Variants in GALNT13 observed in about 807,000 individuals in gnomAD.
The protein encoded by GALNT13 is UDP-GalNAc:polypeptide N-acetylgalactosaminyltransferase 13.
Under a neutral mutation model 64.2 loss-of-function variants are expected in GALNT13, and 28 were observed. The ratio of observed to expected loss-of-function variants is 0.44; its 90% CI spans 0.32 to 0.60. GALNT13 has a LOEUF of 0.60. GALNT13 is among the 20% of genes least tolerant of loss of function. GALNT13 has a pLI of 0.05. For missense variants in GALNT13, 577 were observed against 669.8 expected, an observed-to-expected ratio of 0.86 and a Z score of 1.53; for synonymous variants, 214 against 224.6, an observed-to-expected ratio of 0.95 and a Z score of 0.42.
At chr2:153,074,890 AC>A in the GALNT13 span, among the ~76,000 whole-genome samples, 3 of 152,084 alleles carry the variant, frequency 2.0e-5, no homozygotes, top group Non-Finnish European at 2.9e-5. Context: ...ATGCCACTGT[AC>A]CCAGGTAATT....
the GALNT13 span, among the ~76,000 whole-genome samples, chr2:153,667,599 T>A: frequency 6.6e-6 from 1 of 152,190 alleles, no homozygotes; most frequent in Non-Finnish European, 1.5e-5. Context: ...TACTGCCAGA[T>A]CTTCCTAACA....
intron 4 of GALNT13, among the ~76,000 whole-genome samples, chr2:154,155,978 G>A (rs563014634): frequency 9.9e-5 from 15 of 151,554 alleles, no homozygotes; most frequent in African/African-American, 2.9e-4. Context: ...ATATATATTC[G>A]ACGTATATTT....
the GALNT13 span, among the ~76,000 whole-genome samples, chr2:153,550,329 A>C: frequency 6.6e-6 from 1 of 150,894 alleles, no homozygotes; most frequent in Middle Eastern, 3.4e-3. Context: ...CTGCCTCCCG[A>C]GTTCAAGTGA....
chr2:153,863,702 C>A, the GALNT13 span, among the ~76,000 whole-genome samples: 3 of 152,006 alleles, frequency 2.0e-5, no homozygotes, highest in African/African-American at 7.2e-5. Flanking sequence ...AATAAGCAAT[C>A]GAAACATGCT....
chr2:153,090,392 A>T, the GALNT13 span, among the ~76,000 whole-genome samples: 1 of 152,126 alleles, frequency 6.6e-6, no homozygotes, highest in African/African-American at 2.4e-5. Context: ...TTGGTTTTAG[A>T]TATGTTTAGC....
At chr2:154,107,788 A>G (rs1702704702) in intron 3 of GALNT13, among the ~76,000 whole-genome samples, 1 of 151,884 alleles carries the variant, frequency 6.6e-6, no homozygotes, top group Admixed American at 6.6e-5. Context: ...TTTTTCCTGT[A>G]AAAGCACTCT....
the GALNT13 span, among the ~76,000 whole-genome samples, chr2:153,455,965 T>A: frequency 6.6e-6 from 1 of 152,094 alleles, no homozygotes; most frequent in Non-Finnish European, 1.5e-5. Context: ...ATCAGAAAGG[T>A]ACTAGCCCCC....
chr2:153,684,250 G>T, the GALNT13 span, among the ~76,000 whole-genome samples: 1 of 151,480 alleles, frequency 6.6e-6, no homozygotes, highest in Non-Finnish European at 1.5e-5. Flanking sequence ...GAATTTTTAT[G>T]TTTTCTTTAT....
chr2:153,852,888 A>G, the GALNT13 span, among the ~76,000 whole-genome samples: 1 of 152,170 alleles, frequency 6.6e-6, no homozygotes, highest in Non-Finnish European at 1.5e-5. Flanking sequence ...AGATGTATAA[A>G]TGAAAGGGAG....
intron 9 of GALNT13, among the ~76,000 whole-genome samples, chr2:154,349,414 C>G (rs1236725509): frequency 6.6e-6 from 1 of 152,160 alleles, no homozygotes; most frequent in East Asian, 1.9e-4. Flanking sequence ...AGGTTTTGCT[C>G]CTCCCTGACC....
the GALNT13 span, among the ~76,000 whole-genome samples, chr2:153,842,402 G>A: frequency 6.6e-6 from 1 of 152,088 alleles, no homozygotes; most frequent in Non-Finnish European, 1.5e-5. Context: ...GTATCAAAGA[G>A]CAGAGGTCCT....
intron 12 of GALNT13, among the ~76,000 whole-genome samples, chr2:154,443,104 C>A (rs1346165598): frequency 6.6e-6 from 1 of 152,028 alleles, no homozygotes; most frequent in African/African-American, 2.4e-5. Context: ...CCCAGCCATT[C>A]CCCTGTGTAG....
rs576316657 is a variant in GALNT13 at position 153,971,175 on chromosome 2, C to T, written c.142+26536C>T. Among the ~76,000 whole-genome samples the T allele has an allele frequency of 9.2e-5, 14 of 152,202 alleles. No homozygotes were observed. The East Asian group carries it at 2.5e-3, about 27-fold the overall frequency. Reference sequence around the variant, plus strand: ...CCAGTTTACTTCATGTCTTAATTTTCTACCTCACCTTATTCAGGCATTATC... The same window carrying T: ...CCAGTTTACTTCATGTCTTAATTTTTTACCTCACCTTATTCAGGCATTATC... On this transcript the variant is annotated intron_variant, in intron 3 of 12. Coordinates refer to ENST00000392825, the MANE Select transcript of GALNT13 (RefSeq NM_052917.4).
chr2:153,197,270 T>A, the GALNT13 span, among the ~76,000 whole-genome samples: 2 of 152,116 alleles, frequency 1.3e-5, no homozygotes, highest in African/African-American at 2.4e-5. Flanking sequence ...AATGATAGGG[T>A]GGGGTGATCC....
chr2:153,728,979 A>G, the GALNT13 span, among the ~76,000 whole-genome samples: 1 of 152,194 alleles, frequency 6.6e-6, no homozygotes, highest in South Asian at 2.1e-4. Context: ...CAAGTTATGA[A>G]ATTGAGGCAG....
At chr2:154,362,819 T>C (rs965027229) in intron 9 of GALNT13, among the ~76,000 whole-genome samples, 2 of 152,172 alleles carry the variant, frequency 1.3e-5, no homozygotes, top group Non-Finnish European at 2.9e-5. Context: ...TCTCCCCACA[T>C]TCATTTTCAT....
At chr2:153,890,655 A>C (rs1687487525) in intron 1 of GALNT13, among the ~76,000 whole-genome samples, 1 of 152,080 alleles carries the variant, frequency 6.6e-6, no homozygotes, top group African/African-American at 2.4e-5. Flanking sequence ...ATGGCACAAC[A>C]ACAACAGCAA....
At chr2:153,854,175 T>C in the GALNT13 span, among the ~76,000 whole-genome samples, 4 of 152,006 alleles carry the variant, frequency 2.6e-5, no homozygotes, top group East Asian at 7.7e-4. Flanking sequence ...CTATTAGAGA[T>C]ACGTTGCTAG....
At chr2:153,253,709 T>G in the GALNT13 span, among the ~76,000 whole-genome samples, 1 of 151,044 alleles carries the variant, frequency 6.6e-6, no homozygotes, top group African/African-American at 2.4e-5. Context: ...AGGCCTTTTC[T>G]GCATCTATTG....
Sources: gnomAD v4.1 joint callset for allele counts (sites outside exome capture counted in the v4.1 genomes callset) on GRCh38, gnomAD v4.1.1 for gene constraint, MANE v1.5 for transcripts, NCBI Gene and HGNC (gene_info 2026-07-23, HGNC 2026-07-21) for gene names.